MYOM1: variants seen among roughly 807,000 people sequenced by gnomAD.
The protein encoded by MYOM1 is myomesin 1.
A neutral mutation model predicts 205.3 loss-of-function variants in MYOM1; 164 were observed. That is an observed-to-expected ratio of 0.80 (90% CI 0.70 to 0.91). The LOEUF is 0.91. Ranked by LOEUF, MYOM1 falls within the 40% of genes least tolerant of loss-of-function variation. The pLI, the probability that MYOM1 is intolerant of heterozygous loss-of-function variation, is 0.00. For missense variants in MYOM1, 2,011 were observed against 2,127.3 expected (o/e 0.95, Z 1.08); for synonymous variants, 772 against 789.4 (o/e 0.98, Z 0.37).
intron 27 of MYOM1, among the ~76,000 whole-genome samples, chr18:3,090,282 C>T (rs1389622748): frequency 2.1e-5 from 3 of 141,248 alleles, no homozygotes; most frequent in South Asian, 2.2e-4. Context: ...TGCAGTGGTG[C>T]GATCTTGGCT....
intron 29 of MYOM1, among the ~76,000 whole-genome samples, chr18:3,087,521 A>C (rs1398342621): frequency 7.5e-6 from 1 of 133,818 alleles, no homozygotes; most frequent in Non-Finnish European, 1.6e-5. Flanking sequence ...ACAGAGTCTC[A>C]CTCTATCACC....
intron 2 of MYOM1, among the ~76,000 whole-genome samples, chr18:3,208,273 G>A (rs918552768): frequency 1.1e-4 from 16 of 152,210 alleles, no homozygotes; most frequent in Admixed American, 9.2e-4. Flanking sequence ...ACTTTGGGAT[G>A]CCAAGGTGGG....
intron 16 of MYOM1, 101 bp from the exon 17 acceptor site, chr18:3,131,597 T>A: frequency 1.0e-6 from 1 of 969,136 alleles, no homozygotes; most frequent in Non-Finnish European, 1.5e-6. Context: ...AAACAATTCT[T>A]TTTTTTTTAT....
At chr18:3,221,299 C>A (rs983836203), upstream of MYOM1, among the ~76,000 whole-genome samples, 5 of 152,176 alleles carry the variant, frequency 3.3e-5, no homozygotes, top group African/African-American at 1.2e-4. Flanking sequence ...GAATTACAGG[C>A]GTGAGCCACT....
At chr18:3,132,118 GTATATA>G (rs1555621173) in intron 16 of MYOM1, among the ~76,000 whole-genome samples, 1 of 143,460 alleles carries the variant, frequency 7.0e-6, no homozygotes, top group Non-Finnish European at 1.5e-5. Context: ...ATATGTGTGT[GTATATA>G]TATATATATA....
upstream of MYOM1, among the ~76,000 whole-genome samples, chr18:3,221,735 G>C (rs2081332072): frequency 6.6e-6 from 1 of 152,198 alleles, no homozygotes; most frequent in Admixed American, 6.5e-5. Flanking sequence ...GTATGTAAAA[G>C]AATCTGTTCC....
At chr18:3,133,003 C>G (rs1269211563) in intron 16 of MYOM1, among the ~76,000 whole-genome samples, 1 of 151,896 alleles carries the variant, frequency 6.6e-6, no homozygotes, top group African/African-American at 2.4e-5. Context: ...TCCTTAGAGT[C>G]AGCTTTGCTT....
At chr18:3,169,573 A>G (rs1226309399) in intron 8 of MYOM1, among the ~76,000 whole-genome samples, 1 of 152,228 alleles carries the variant, frequency 6.6e-6, no homozygotes, top group Admixed American at 6.5e-5. Flanking sequence ...ATCACTAATC[A>G]TTGAGAGAAA....
At chr18:3,083,595 A>ATTTTTT (rs59299057) in intron 33 of MYOM1, among the ~76,000 whole-genome samples, 194 bp downstream of exon 33, 223 of 106,742 alleles carry the variant, frequency 2.1e-3, no homozygotes, top group Non-Finnish European at 3.1e-3. Flanking sequence ...CGCCCAGCTC[A>ATTTTTT]TTTTTTTTTT....
chr18:3,127,305 AT>A (rs1555620545), intron 18 of MYOM1, among the ~76,000 whole-genome samples: 261 of 47,542 alleles, frequency 5.5e-3, no homozygotes, highest in Non-Finnish European at 5.7e-3. Context: ...ATATATATAT[AT>A]TTTTTTTTTT....
intron 18 of MYOM1, among the ~76,000 whole-genome samples, chr18:3,127,305 A>ATATATTTT (rs56880961): frequency 2.1e-4 from 10 of 47,572 alleles, no homozygotes; most frequent in African/African-American, 2.8e-4. Context: ...ATATATATAT[A>ATATATTTT]TTTTTTTTTT....
chr18:3,100,548 C>T (rs1024691612), intron 23 of MYOM1, 122 bp from the exon 24 acceptor site: 88 of 703,460 alleles, frequency 1.3e-4, no homozygotes, highest in Non-Finnish European at 2.0e-4. Context: ...TCTCATCTTG[C>T]TGAGCTACAG....
intron 19 of MYOM1, among the ~76,000 whole-genome samples, chr18:3,125,974 A>G (rs2079774894): frequency 6.6e-6 from 1 of 151,922 alleles, no homozygotes; most frequent in Admixed American, 6.6e-5. Context: ...TGGACACTGA[A>G]AGTTAAAAAC....
chr18:3,187,653 T>C lies in MYOM1; in HGVS notation c.772-16A>G, dbSNP rs373358440. The C allele has an allele frequency of 3.2e-6, 5 of 1,572,790 alleles. No homozygotes were observed. Among genetic ancestry groups the C allele is most frequent in the African/African-American group, 2.7e-5 (2 of 74,166 alleles). The stretch of plus-strand genomic sequence containing the variant: ...TTTCTTCTAACTGAAAAAACAAATA[T>C]GCAAACAAACATATTACCAAAATAC... On this transcript the variant is annotated splice_polypyrimidine_tract_variant and intron_variant, in intron 4 of 37. Transcript: ENST00000356443.
At chr18:3,226,241 C>T in the MYOM1 span, among the ~76,000 whole-genome samples, 1 of 152,154 alleles carries the variant, frequency 6.6e-6, no homozygotes, top group Admixed American at 6.5e-5. This position sits in a 1 kb window ranked among gnomAD's most constrained non-coding sequence, Gnocchi z 4.6. Context: ...GTAAGCCAGG[C>T]ACTGGGATTG....
Position 3,129,360 on chromosome 18 carries a change from TG to T in MYOM1, c.2665del (p.Gln889LysfsTer8). 6.2e-7 allele frequency: 1 copy of T among 1,613,986 alleles called. No homozygotes were observed. ...PNKPSLPSSS[Q>X]NLGQTEVSKV... ...ACTCACTTCTGTTTGGCCCAGGTTT[TG>T]AGAGCTACTGGGTAGTGAAGGTTTG... On this transcript the variant is annotated frameshift_variant, in exon 18 of 38. Transcript: ENST00000356443. LOFTEE classifies it high-confidence loss of function.
At chr18:3,143,210 T>C (rs1263520535) in intron 13 of MYOM1, among the ~76,000 whole-genome samples, 1 of 146,056 alleles carries the variant, frequency 6.8e-6, no homozygotes, top group African/African-American at 2.5e-5. Context: ...AGTGTAGATC[T>C]GCACTATGCT....
intron 14 of MYOM1, among the ~76,000 whole-genome samples, chr18:3,137,700 G>A (rs1414735554): frequency 6.6e-6 from 1 of 151,954 alleles, no homozygotes; most frequent in African/African-American, 2.4e-5. Flanking sequence ...GTTTGTTAGT[G>A]GGCACAAAAA....
intron 36 of MYOM1, among the ~76,000 whole-genome samples, chr18:3,072,773 G>A (rs530028308): frequency 1.8e-4 from 27 of 152,120 alleles, no homozygotes; most frequent in African/African-American, 6.3e-4. Flanking sequence ...ATCAAGACCC[G>A]CTCTATCATT....
Sources: gnomAD v4.1 joint callset for allele counts (sites outside exome capture counted in the v4.1 genomes callset) on GRCh38, gnomAD v4.1.1 for gene constraint, Gnocchi (gnomAD v3.1) non-coding constraint, MANE v1.5 for transcripts, NCBI Gene and HGNC (gene_info 2026-07-23, HGNC 2026-07-21) for gene names.